The following NPNT variants were observed in gnomAD, a reference collection of about 807,000 sequenced individuals.
The protein encoded by NPNT is nephronectin, also known as preosteoblast EGF-like repeat protein with MAM domain.
In NPNT, 45 loss-of-function variants were observed where a neutral mutation model predicts 68.6. That is an observed-to-expected ratio of 0.66 (90% CI 0.52 to 0.84). The LOEUF (loss-of-function observed/expected upper bound fraction) is 0.84. Ranked by LOEUF, NPNT falls within the 40% of genes least tolerant of loss-of-function variation. The pLI is 0.00. For missense variants in NPNT, 672 were observed against 714.8 expected (o/e 0.94, Z 0.68); for synonymous variants, 233 against 253.3 (o/e 0.92, Z 0.76).
chr4:105,956,528 G>T (rs1027720350), intron 8 of NPNT, among the ~76,000 whole-genome samples: 1 of 152,024 alleles, frequency 6.6e-6, no homozygotes. Flanking sequence ...CTGGAATATG[G>T]TACTTTTAAG....
At chr4:105,938,642 G>A (rs572994323) in intron 5 of NPNT, among the ~76,000 whole-genome samples, 2 of 152,312 alleles carry the variant, frequency 1.3e-5, no homozygotes, top group South Asian at 2.1e-4. Flanking sequence ...CAGGCAGAGG[G>A]AACCCTATGT....
intron 2 of NPNT, chr4:105,912,653 TA>T: frequency 1.5e-6 from 1 of 672,868 alleles, no homozygotes; most frequent in Non-Finnish European, 1.8e-6. Flanking sequence ...ACAATTCAGG[TA>T]AGAAATATTT....
chr4:105,970,428 T>A lies in NPNT; in HGVS notation c.*1438T>A. On this transcript the variant is annotated 3_prime_UTR_variant, in exon 12 of 12. Transcript: ENST00000379987. ...AAGGGTTGGAAAAAAAGATCTATGA[T>A]GGAAAATTAAAGGAACTGGGATTAT... is the stretch of plus-strand genomic sequence containing the variant. The A allele has an allele frequency of 1.4e-6, 1 of 701,312 alleles. No homozygotes were observed. Among genetic ancestry groups the A allele is most frequent in the Non-Finnish European group, 2.6e-6 (1 of 383,884 alleles). 43.4% of individuals were successfully genotyped at this position (701,312 alleles called of 1,614,324 possible). A position where few individuals can be genotyped will look rare whatever the true frequency, so the allele number is the denominator to read the frequency against.
At chr4:105,967,095 GA>G (rs371424664) in intron 10 of NPNT, 92 bp from the exon 11 acceptor site, 11,249 of 1,031,566 alleles carry the variant, frequency 0.011, 15 homozygotes, top group African/African-American at 0.026. Context: ...ACAAAGAAAA[GA>G]AAAAAAAAAA....
At chr4:105,960,832 C>A (rs1731666234) in intron 10 of NPNT, among the ~76,000 whole-genome samples, 1 of 151,974 alleles carries the variant, frequency 6.6e-6, no homozygotes, top group African/African-American at 2.4e-5. Context: ...AAAATCTCAT[C>A]AATTTTATTT....
chr4:105,896,978 T>C (rs942881521), intron 1 of NPNT, among the ~76,000 whole-genome samples: 5 of 152,254 alleles, frequency 3.3e-5, no homozygotes, highest in African/African-American at 7.2e-5. Flanking sequence ...GGGTATGTTA[T>C]GCATTTCTTG....
chr4:105,929,047 C>T (rs1026264423), intron 3 of NPNT, among the ~76,000 whole-genome samples: 2 of 151,986 alleles, frequency 1.3e-5, no homozygotes, highest in African/African-American at 2.4e-5. Context: ...ATTTGCTGCA[C>T]CTATCAAACC....
Position 105,942,579 on chromosome 4 carries a change from A to G in NPNT, c.1036A>G (p.Thr346Ala), listed in dbSNP as rs764921082. 14 of 1,613,302 alleles carry G rather than the reference A, an allele frequency of 8.7e-6. No individual in the cohort carries two copies. Among genetic ancestry groups the G allele is most frequent in the Admixed American group, 3.3e-5 (2 of 59,872 alleles). ...GCTCAGAACACCTCTACCACCTACAACCCCAGAAAGGCCAACCACCGGACT... is the reference window on the plus strand; with the variant it reads ...GCTCAGAACACCTCTACCACCTACAGCCCCAGAAAGGCCAACCACCGGACT... ...TELRTPLPPT[T>A]PERPTTGLTT... Residue 346 changes from threonine (T) to alanine (A), a missense_variant, in exon 8 of 12, where the codon ACC becomes GCC. Transcript: ENST00000379987.
At chr4:105,950,583 G>A (rs1056060107) in intron 8 of NPNT, among the ~76,000 whole-genome samples, 12 of 152,120 alleles carry the variant, frequency 7.9e-5, no homozygotes, top group South Asian at 6.2e-4. Context: ...GATTACAGGC[G>A]TGCACCACCA....
chr4:105,918,551 T>C (rs1197530864), intron 2 of NPNT, among the ~76,000 whole-genome samples: 2 of 152,216 alleles, frequency 1.3e-5, no homozygotes, highest in African/African-American at 2.4e-5. Context: ...GAATTTTTTC[T>C]AGCACTACAT....
chr4:105,927,272 A>G, intron 2 of NPNT, 64 bp from the exon 3 acceptor site: 1 of 1,012,712 alleles, frequency 9.9e-7, no homozygotes, highest in African/African-American at 1.6e-5. Context: ...AGTGCACGAC[A>G]TCAATGCTAT....
intron 3 of NPNT, among the ~76,000 whole-genome samples, chr4:105,931,143 A>C (rs986781356): frequency 2.6e-5 from 4 of 152,112 alleles, no homozygotes; most frequent in Non-Finnish European, 5.9e-5. Context: ...TACCAACACA[A>C]ACCTCTTTTT....
intron 3 of NPNT, among the ~76,000 whole-genome samples, chr4:105,928,026 C>G (rs1192980385): frequency 6.6e-6 from 1 of 152,070 alleles, no homozygotes; most frequent in Non-Finnish European, 1.5e-5. Flanking sequence ...CCATTTTTAT[C>G]TTTACAACAA....
In NPNT at chr4:105,907,840, C is replaced by A. The variant is rs530896122; in HGVS notation, c.172+9839C>A. Among the ~76,000 whole-genome samples the A allele has an allele frequency of 3.3e-5, 5 of 152,176 alleles. No homozygotes were observed. The East Asian group carries it at 9.6e-4, about 29-fold the overall frequency. On this transcript the variant is annotated intron_variant, in intron 2 of 11. Transcript: ENST00000379987. Reference sequence around the variant, plus strand: ...TTCTGATTTTATTACTTAATTACTACTGATACATAATTAAAGAATTATGGC... The same window carrying A: ...TTCTGATTTTATTACTTAATTACTAATGATACATAATTAAAGAATTATGGC...
At chr4:105,918,723 A>G (rs973654144) in intron 2 of NPNT, among the ~76,000 whole-genome samples, 2 of 152,062 alleles carry the variant, frequency 1.3e-5, no homozygotes, top group Non-Finnish European at 2.9e-5. Flanking sequence ...ATTCATTTTT[A>G]TATCCCCAAT....
intron 10 of NPNT, among the ~76,000 whole-genome samples, chr4:105,962,054 T>TA (rs1731761837): frequency 6.6e-6 from 1 of 152,178 alleles, no homozygotes; most frequent in African/African-American, 2.4e-5. Flanking sequence ...GACATATCAC[T>TA]AAGGGTAGAA....
rs896212509 is a variant in NPNT, at chr4:105,942,852, C to T, written c.1159+150C>T. On this transcript the variant is annotated intron_variant, in intron 8 of 11. Coordinates refer to ENST00000379987, the MANE Select transcript of NPNT (RefSeq NM_001033047.3). ...TATTGACAAATATTATAAAGAGCTA[C>T]ATAAAGAGTCAGTCTAATTGGGCAA... is the stretch of plus-strand genomic sequence containing the variant. The T allele has an allele frequency of 6.8e-5, 49 of 716,942 alleles. 1 individual carries two copies. The highest frequency in any genetic ancestry group is 2.2e-4 in the Admixed American group (7 of 31,722). The allele number at this position is 716,942 out of a possible 1,614,324, so 44.4% of individuals were successfully genotyped here. A position where few individuals can be genotyped will look rare whatever the true frequency, so the allele number is the denominator to read the frequency against.
chr4:105,939,301 G>A (rs536855141), intron 5 of NPNT, among the ~76,000 whole-genome samples: 3 of 152,328 alleles, frequency 2.0e-5, no homozygotes, highest in Admixed American at 6.5e-5. Context: ...TGAAGAAACA[G>A]CCAAGCAGCT....
chr4:105,911,646 A>G (rs1344694356), intron 2 of NPNT: 1 of 153,946 alleles, frequency 6.5e-6, no homozygotes, highest in Admixed American at 6.5e-5. Context: ...GCCATGCAAG[A>G]AGAAAATGCT....
Sources: gnomAD v4.1 joint callset for allele counts (sites outside exome capture counted in the v4.1 genomes callset) on GRCh38, gnomAD v4.1.1 for gene constraint, MANE v1.5 for transcripts, NCBI Gene and HGNC (gene_info 2026-07-23, HGNC 2026-07-21) for gene names.